PSMD2: variants seen among roughly 807,000 people sequenced by gnomAD.
PSMD2 encodes the protein 26S proteasome non-ATPase regulatory subunit 2.
PSMD2 carries 8 observed loss-of-function variants against 101.5 expected under a neutral mutation model. That is an observed-to-expected ratio of 0.08 (90% CI 0.05 to 0.14). The LOEUF (loss-of-function observed/expected upper bound fraction) is 0.14. PSMD2 is among the 10% of genes least tolerant of loss of function. The pLI is 1.00. For synonymous variants in PSMD2, 418 were observed against 433.8 expected (o/e 0.96, Z 0.45); for missense variants, 784 against 1,147.4 (o/e 0.68, Z 4.58).
At position 184,299,253 on chromosome 3, in the gene PSMD2, C is replaced by CT; in HGVS notation, c.-14_-13insT. ...AGCGGGTGCGCGCGCAGCGGGCCGG[C>CT]AGTGGCGGCGGAGATGGAGGAGGGA... On this transcript the variant is annotated 5_prime_UTR_variant, in exon 1 of 21. Transcript: ENST00000310118. 1 of 1,327,846 alleles carries CT rather than the reference C, an allele frequency of 7.5e-7. No individual in the cohort carries two copies. 82.3% of individuals were successfully genotyped at this position (1,327,846 alleles called of 1,614,324 possible).
Position 184,307,726 on chromosome 3 carries a change from T to G in PSMD2, c.2298+18T>G. 1 of 1,611,932 alleles carries G rather than the reference T, an allele frequency of 6.2e-7. No individual in the cohort carries two copies. Among genetic ancestry groups the G allele is most frequent in the Non-Finnish European group, 8.5e-7 (1 of 1,178,068 alleles). ...TGGCACAGGTAAAGAATAGAACTCC[T>G]CCACAGAGCGTGCCGGGGAAGTATC... On this transcript the variant is annotated intron_variant, in intron 18 of 20. Coordinates refer to ENST00000310118, the MANE Select transcript of PSMD2 (RefSeq NM_002808.5).
rs747871836 is a variant in PSMD2 at position 184,301,589 on chromosome 3, G to A, written c.410G>A (p.Arg137His). The part of the protein sequence containing the change: ...SVLAMTMSGE[R>H]ECLKYRLVGS... Reference sequence around the variant, plus strand: ...TTGGCCATGACCATGAGTGGGGAGCGTGAGTGCCTCAAGTATCGGCTAGTG... The same window carrying A: ...TTGGCCATGACCATGAGTGGGGAGCATGAGTGCCTCAAGTATCGGCTAGTG... The change falls in exon 4 of 21, where the codon CGT (arginine) becomes CAT (histidine). Residue 137 changes from arginine (R) to histidine (H), a missense_variant. Arg to His is a conservative substitution (Grantham distance 29). This residue lies in a region of PSMD2 where 208 missense variants were observed against 301.6 expected (regional missense o/e 0.69). Transcript: ENST00000310118. 8 of 1,613,926 alleles carry A rather than the reference G, an allele frequency of 5.0e-6. No homozygotes were observed. In the Admixed American group the frequency reaches 5.0e-5, roughly 10 times the overall value.
At chr3:184,305,738 T>G (rs1721809215) in intron 12 of PSMD2, 30 bp from the exon 13 acceptor site, 1 of 1,593,534 alleles carries the variant, frequency 6.3e-7, no homozygotes, top group African/African-American at 1.3e-5. Flanking sequence ...AATAACTTAC[T>G]CTGTGTAATA....
At chr3:184,306,574 C>T in intron 15 of PSMD2, 79 bp downstream of exon 15, 2 of 1,560,948 alleles carry the variant, frequency 1.3e-6, no homozygotes, top group South Asian at 2.5e-5. Context: ...TTGGTTTTTG[C>T]TTTAGGGCCT....
Position 184,307,642 on chromosome 3 carries a change from G to A in PSMD2, c.2232G>A (p.Met744Ile), listed in dbSNP as rs1284831875. ...CCAATAATGCCCGTCTGGCTGCAAT[G>A]CTGCGCCAGTTAGCTCAATATCATG... ...SGTNNARLAA[M>I]LRQLAQYHAK... Residue 744 changes from methionine to isoleucine, a missense_variant, in exon 18 of 21, where the codon ATG becomes ATA. Met to Ile is a conservative substitution (Grantham distance 10). Around this residue, in one of 6 missense-constraint regions of PSMD2, gnomAD observed 282 missense variants for 437.6 expected, o/e 0.64. Coordinates refer to ENST00000310118, the MANE Select transcript of PSMD2 (RefSeq NM_002808.5). 1.9e-6 allele frequency: 3 copies of A among 1,614,032 alleles called. No individual in the cohort carries two copies. In the African/African-American group the frequency reaches 4.0e-5, roughly 22 times the overall value.
At chr3:184,300,639 CAT>C in intron 3 of PSMD2, 195 bp downstream of exon 3, 1 of 1,394,082 alleles carries the variant, frequency 7.2e-7, no homozygotes, top group Non-Finnish European at 9.3e-7. Context: ...CTGTTTCTGT[CAT>C]GTGTATTGGA....
chr3:184,302,144 A>G (rs192480370), intron 5 of PSMD2, 73 bp downstream of exon 5: 451 of 1,480,882 alleles, frequency 3.0e-4, no homozygotes, highest in Admixed American at 6.0e-4. Context: ...CGCCTCCTCT[A>G]TTTTCCCAGA....
chr3:184,303,251 C>T, intron 8 of PSMD2, 69 bp from the exon 9 acceptor site: 2 of 1,567,606 alleles, frequency 1.3e-6, no homozygotes, highest in Non-Finnish European at 8.7e-7. Context: ...GACCAGTTGC[C>T]ATGCTGTGTT....
chr3:184,305,082 G>C (rs1047836178), intron 12 of PSMD2, among the ~76,000 whole-genome samples: 6 of 152,122 alleles, frequency 3.9e-5, no homozygotes, highest in Non-Finnish European at 8.8e-5. Flanking sequence ...CAGCATGGTG[G>C]CTAGTGGCAT....
At position 184,301,518 on chromosome 3, in the gene PSMD2, A is replaced by G; in HGVS notation, c.358-19A>G. The stretch of plus-strand genomic sequence containing the variant: ...GCTGGACTGCTGGGTTTGACTTCAA[A>G]GAACTCTTTTCTTTATAGCGTTTTG... On this transcript the variant is annotated intron_variant, in intron 3 of 20. Coordinates refer to ENST00000310118, the MANE Select transcript of PSMD2 (RefSeq NM_002808.5). The G allele has an allele frequency of 3.1e-6, 5 of 1,612,642 alleles. No individual in the cohort carries two copies. Among genetic ancestry groups the G allele is most frequent in the Non-Finnish European group, 4.2e-6 (5 of 1,179,714 alleles).
chr3:184,302,614 G>A (rs1271426667), intron 6 of PSMD2, 65 bp from the exon 7 acceptor site: 1 of 1,612,278 alleles, frequency 6.2e-7, no homozygotes, highest in Non-Finnish European at 8.5e-7. Context: ...TCTGGTTAGG[G>A]CTTGAGGGGT....
At chr3:184,307,326 G>A (rs756538449) in intron 16 of PSMD2, 31 bp from the exon 17 acceptor site, 20 of 1,611,232 alleles carry the variant, frequency 1.2e-5, no homozygotes, top group Admixed American at 5.0e-5. Context: ...ACTGCATTCC[G>A]CCTTACTGTT....
chr3:184,299,540 C>T (rs745546156), intron 1 of PSMD2, 139 bp downstream of exon 1: 1 of 1,150,554 alleles, frequency 8.7e-7, no homozygotes. Flanking sequence ...ACTCCCGGCA[C>T]CTTGCCTCTC....
chr3:184,303,284 C>A (rs1721710859), intron 8 of PSMD2, 36 bp from the exon 9 acceptor site: 2 of 1,600,168 alleles, frequency 1.2e-6, no homozygotes, highest in African/African-American at 1.3e-5. Flanking sequence ...TACCTGAAAC[C>A]TTCTTTCCTT....
chr3:184,302,211 C>G (rs541395662), intron 5 of PSMD2, 140 bp downstream of exon 5: 109 of 1,190,258 alleles, frequency 9.2e-5, no homozygotes, highest in Non-Finnish European at 1.2e-4. Flanking sequence ...GTGTGAGTTT[C>G]TTGAGGACAG....
intron 16 of PSMD2, among the ~76,000 whole-genome samples, 193 bp downstream of exon 16, chr3:184,307,027 C>T (rs1373132409): frequency 6.6e-6 from 1 of 152,188 alleles, no homozygotes; most frequent in South Asian, 2.1e-4. Context: ...CCACTGCAAC[C>T]TCTGCCTCCC....
At chr3:184,299,542 T>C (rs982531561) in intron 1 of PSMD2, 141 bp downstream of exon 1, 40 of 1,142,746 alleles carry the variant, frequency 3.5e-5, no homozygotes, top group Non-Finnish European at 4.4e-5. Context: ...TCCCGGCACC[T>C]TGCCTCTCTG....
intron 12 of PSMD2, among the ~76,000 whole-genome samples, chr3:184,305,357 C>T (rs1352594067): frequency 3.9e-5 from 6 of 152,020 alleles, no homozygotes; most frequent in Non-Finnish European, 4.4e-5. Context: ...GGCGTGGTGG[C>T]GCGCACCTAT....
chr3:184,306,926 G>T, intron 16 of PSMD2, 92 bp downstream of exon 16: 1 of 995,850 alleles, frequency 1.0e-6, no homozygotes, highest in Non-Finnish European at 1.5e-6. Context: ...TCTTGGTGGA[G>T]AGCTGGTCTT....
Sources: gnomAD v4.1 joint callset for allele counts (sites outside exome capture counted in the v4.1 genomes callset) on GRCh38, gnomAD v4.1.1 for gene constraint, gnomAD v4.1.1 regional missense constraint, MANE v1.5 for transcripts, NCBI Gene and HGNC (gene_info 2026-07-23, HGNC 2026-07-21) for gene names.